The following NFIB variants were observed in gnomAD, a reference collection of about 807,000 sequenced individuals.
NFIB encodes the protein nuclear factor 1 B-type.
Under a neutral mutation model 61.5 loss-of-function variants are expected in NFIB, and 11 were observed. That is an observed-to-expected ratio of 0.18 (90% CI 0.11 to 0.30). The LOEUF is 0.30. Ranked by LOEUF, NFIB falls within the 10% of genes least tolerant of loss-of-function variation. The pLI, the probability that NFIB is intolerant of heterozygous loss-of-function variation, is 1.00. For synonymous variants in NFIB, 260 were observed against 216.5 expected, an observed-to-expected ratio of 1.20 and a Z score of -1.76; for missense variants, 471 against 608.9, an observed-to-expected ratio of 0.77 and a Z score of 2.38.
intron 2 of NFIB, among the ~76,000 whole-genome samples, chr9:14,203,844 C>A (rs934856673): frequency 2.0e-5 from 3 of 152,070 alleles, no homozygotes; most frequent in African/African-American, 4.8e-5. Context: ...GGGTCTTTTA[C>A]GAAATTCTGC....
chr9:14,476,260 T>C, the NFIB span, among the ~76,000 whole-genome samples: 6 of 151,896 alleles, frequency 4.0e-5, no homozygotes, highest in Non-Finnish European at 8.8e-5. Flanking sequence ...TTTTTTTTTT[T>C]CACCTGGGAA....
chr9:14,367,040 T>C (rs2061308553), intron 1 of NFIB, among the ~76,000 whole-genome samples: 1 of 152,178 alleles, frequency 6.6e-6, no homozygotes, highest in Non-Finnish European at 1.5e-5. Context: ...CAACAAATTA[T>C]ACTCCTGTAA....
chr9:14,329,575 C>T (rs890205453), intron 1 of NFIB, among the ~76,000 whole-genome samples: 2 of 151,882 alleles, frequency 1.3e-5, no homozygotes, highest in African/African-American at 2.4e-5. Context: ...AGTGCAGTGG[C>T]GCAACCTCGG....
intron 1 of NFIB, among the ~76,000 whole-genome samples, chr9:14,371,267 A>G (rs2061355720): frequency 6.6e-6 from 1 of 152,242 alleles, no homozygotes; most frequent in Admixed American, 6.5e-5. Context: ...AGCTTTGGAC[A>G]TGAGGTTTTA....
In NFIB at chr9:14,088,164, A is replaced by AT; in HGVS notation, c.*144dup. On this transcript the variant is annotated 3_prime_UTR_variant, in exon 11 of 11. Coordinates refer to ENST00000380953, the MANE Select transcript of NFIB (RefSeq NM_001190737.2). The stretch of plus-strand genomic sequence containing the variant: ...TCCTTTTTTTTTATTTAAAAAAAAA[A>AT]TTTCTTAAACTATTGTTGTGTTTCT... The AT allele has an allele frequency of 7.1e-7, 1 of 1,405,392 alleles. No homozygotes were observed. The highest frequency in any genetic ancestry group is 2.7e-5 in the Admixed American group (1 of 36,568). 87.1% of individuals were successfully genotyped at this position (1,405,392 alleles called of 1,614,324 possible).
the NFIB span, among the ~76,000 whole-genome samples, chr9:14,504,138 A>G: frequency 6.6e-6 from 1 of 151,950 alleles, no homozygotes; most frequent in Non-Finnish European, 1.5e-5. Context: ...AAGTATTTGA[A>G]GTACTTGGCT....
intron 6 of NFIB, among the ~76,000 whole-genome samples, chr9:14,137,280 G>C (rs1166131407): frequency 6.6e-6 from 1 of 152,180 alleles, no homozygotes; most frequent in East Asian, 1.9e-4. Context: ...GAATGGTGCA[G>C]GACAGGACAT....
chr9:14,218,720 C>T (rs1423196043), intron 2 of NFIB, among the ~76,000 whole-genome samples: 1 of 152,182 alleles, frequency 6.6e-6, no homozygotes, highest in Non-Finnish European at 1.5e-5. Flanking sequence ...GTACTCTTTT[C>T]CCCAGGAGCT....
intron 1 of NFIB, among the ~76,000 whole-genome samples, chr9:14,379,038 G>A (rs1056615279): frequency 6.6e-6 from 1 of 152,236 alleles, no homozygotes; most frequent in African/African-American, 2.4e-5. Context: ...TACACAAGCA[G>A]AGTTCACAGG....
intron 9 of NFIB, among the ~76,000 whole-genome samples, chr9:14,113,753 G>C (rs927716307): frequency 4.6e-5 from 7 of 152,120 alleles, no homozygotes; most frequent in Non-Finnish European, 1.5e-5. Flanking sequence ...AACTGATCCA[G>C]GAAGAAAGCT....
At chr9:14,435,527 A>G in the NFIB span, among the ~76,000 whole-genome samples, 2 of 152,374 alleles carry the variant, frequency 1.3e-5, no homozygotes, top group South Asian at 2.1e-4. Flanking sequence ...TAGGATTATT[A>G]TGAGGGTTAA....
intron 10 of NFIB, among the ~76,000 whole-genome samples, chr9:14,096,135 C>T (rs2034750065): frequency 1.3e-5 from 2 of 152,044 alleles, no homozygotes; most frequent in African/African-American, 2.4e-5. Flanking sequence ...CACTGGCTGT[C>T]GAGGGAACTG....
At chr9:14,520,163 A>G in the NFIB span, among the ~76,000 whole-genome samples, 1 of 152,128 alleles carries the variant, frequency 6.6e-6, no homozygotes, top group African/African-American at 2.4e-5. Flanking sequence ...GAAAAAAATA[A>G]CTCTTTAGGA....
chr9:14,491,517 G>A, the NFIB span, among the ~76,000 whole-genome samples: 538 of 152,324 alleles, frequency 3.5e-3, 5 homozygotes, highest in African/African-American at 0.013. Context: ...AGGGCTGAGA[G>A]AAAGTCATGG....
the NFIB span, among the ~76,000 whole-genome samples, chr9:14,521,951 T>C: frequency 3.3e-5 from 5 of 152,234 alleles, no homozygotes; most frequent in Non-Finnish European, 7.3e-5. Context: ...TGCTATTGTT[T>C]GGAATTCCCT....
chr9:14,294,067 G>A (rs2059269169), intron 2 of NFIB, among the ~76,000 whole-genome samples: 2 of 152,118 alleles, frequency 1.3e-5, no homozygotes, highest in African/African-American at 2.4e-5. Flanking sequence ...ACGAATGTTG[G>A]ACACGAAAAG....
intron 1 of NFIB, among the ~76,000 whole-genome samples, chr9:14,322,708 G>A (rs1294034360): frequency 1.3e-5 from 2 of 151,832 alleles, no homozygotes; most frequent in East Asian, 3.9e-4. Context: ...ATTCATCAGG[G>A]CGCCCGGGAC....
At chr9:14,110,330 TATAA>T (rs1201963461) in intron 10 of NFIB, among the ~76,000 whole-genome samples, 4 of 152,080 alleles carry the variant, frequency 2.6e-5, no homozygotes, top group African/African-American at 2.4e-5. Context: ...GATAAATCTT[TATAA>T]AGCAGCCACC....
chr9:14,339,327 A>G (rs2060923142), intron 1 of NFIB, among the ~76,000 whole-genome samples: 1 of 152,212 alleles, frequency 6.6e-6, no homozygotes, highest in Non-Finnish European at 1.5e-5. Flanking sequence ...AGTATGTGCA[A>G]CGGAAGTTGT....
Sources: gnomAD v4.1 joint callset for allele counts (sites outside exome capture counted in the v4.1 genomes callset) on GRCh38, gnomAD v4.1.1 for gene constraint, MANE v1.5 for transcripts, NCBI Gene and HGNC (gene_info 2026-07-23, HGNC 2026-07-21) for gene names.